Variants in PARP16 observed in about 807,000 individuals in gnomAD.
The protein encoded by PARP16 is poly(ADP-ribose) polymerase family member 16.
In PARP16, 31 loss-of-function variants were observed where a neutral mutation model predicts 35.0. The ratio of observed to expected loss-of-function variants is 0.88; its 90% CI spans 0.66 to 1.19. The LOEUF (loss-of-function observed/expected upper bound fraction) is 1.19, where lower values mean the gene tolerates loss of function less well. Ranked by LOEUF, PARP16 falls within the 50% of genes most tolerant of loss-of-function variation. The pLI is 0.00. For synonymous variants in PARP16, 162 were observed against 169.5 expected (o/e 0.96, Z 0.34); for missense variants, 424 against 411.2 (o/e 1.03, Z -0.27).
At chr15:65,246,068 A>G (rs1222310911) in intron 3 of PARP16, among the ~76,000 whole-genome samples, 1 of 152,008 alleles carries the variant, frequency 6.6e-6, no homozygotes, top group East Asian at 1.9e-4. Context: ...GGGGATGGCC[A>G]TTGGGGTGGC....
downstream of PARP16, among the ~76,000 whole-genome samples, chr15:65,254,376 AGG>A (rs1567015572): frequency 6.6e-6 from 1 of 152,160 alleles, no homozygotes; most frequent in African/African-American, 2.4e-5. Flanking sequence ...TGCAAAGGAG[AGG>A]GGCTTATTCT....
downstream of PARP16, among the ~76,000 whole-genome samples, chr15:65,254,959 T>C (rs1442597944): frequency 1.3e-5 from 2 of 152,202 alleles, no homozygotes; most frequent in Non-Finnish European, 2.9e-5. Context: ...GCTCATGGGA[T>C]GCTGTGCATT....
At chr15:65,267,374 G>A (rs1227771480) in intron 2 of PARP16, among the ~76,000 whole-genome samples, 2 of 152,018 alleles carry the variant, frequency 1.3e-5, no homozygotes, top group African/African-American at 4.8e-5. Flanking sequence ...TTGGGCGGCC[G>A]AGGCAGGCGG....
At chr15:65,247,985 T>C (rs1375874423) in intron 3 of PARP16, 1 of 334,726 alleles carries the variant, frequency 3.0e-6, no homozygotes, top group Non-Finnish European at 5.9e-6. Context: ...TCTGTATTTT[T>C]AGTAGAGGTG....
chr15:65,260,880 C>G lies in PARP16; in HGVS notation c.833+5G>C, dbSNP rs200404753. The G allele has an allele frequency of 1.2e-6, 2 of 1,613,276 alleles. No homozygotes were observed. The highest frequency in any genetic ancestry group is 1.3e-5 in the African/African-American group (1 of 74,882). On this transcript the variant is annotated splice_donor_5th_base_variant and intron_variant, in intron 5 of 5. Coordinates refer to ENST00000649807, the MANE Select transcript of PARP16 (RefSeq NM_001316943.2). ...ACAGCCATTAGTTGTTCTCTTGGAC[C>G]TTACCTCTTGGGTGGCTTCTGTGAA...
chr15:65,245,763 T>A (rs1295330369), intron 3 of PARP16, among the ~76,000 whole-genome samples: 1 of 152,172 alleles, frequency 6.6e-6, no homozygotes, highest in Non-Finnish European at 1.5e-5. Context: ...GCCTGTTTAC[T>A]TACAGGGACC....
chr15:65,280,391 C>T (rs982967311), intron 1 of PARP16, among the ~76,000 whole-genome samples: 6 of 146,948 alleles, frequency 4.1e-5, no homozygotes, highest in Admixed American at 3.5e-4. Context: ...GAGCCAAGAT[C>T]ACGCCACTGC....
At chr15:65,282,122 G>A (rs574911272) in intron 1 of PARP16, among the ~76,000 whole-genome samples, 11 of 152,012 alleles carry the variant, frequency 7.2e-5, no homozygotes, top group Non-Finnish European at 1.2e-4. Context: ...GTGAACCTCC[G>A]ACCTCAGCCT....
Position 65,286,690 on chromosome 15 carries a change from A to T in PARP16, c.-264T>A. The T allele has an allele frequency of 2.5e-6, 1 of 395,646 alleles. No individual in the cohort carries two copies. The highest frequency in any genetic ancestry group is 4.5e-6 in the Non-Finnish European group (1 of 221,400). 24.5% of individuals were successfully genotyped at this position (395,646 alleles called of 1,614,324 possible). On this transcript the variant is annotated 5_prime_UTR_variant, in exon 1 of 6. Transcript: ENST00000649807. ...GTCGGCGGGGAGGTTGGGCCCAGGGATAAAGGAACTGGGGCTGGTGGGGGG... is the reference window on the plus strand; with the variant it reads ...GTCGGCGGGGAGGTTGGGCCCAGGGTTAAAGGAACTGGGGCTGGTGGGGGG...
chr15:65,233,935 C>T (rs1595971468), downstream of PARP16, among the ~76,000 whole-genome samples: 1 of 151,774 alleles, frequency 6.6e-6, no homozygotes, highest in South Asian at 2.1e-4. Flanking sequence ...TTCTTTTATC[C>T]ATAATTGTTT....
rs964584289 is a variant in PARP16 at position 65,286,579 on chromosome 15, G to A, written c.-153C>T. On this transcript the variant is annotated 5_prime_UTR_variant, in exon 1 of 6. Transcript: ENST00000649807. ...GCTAGGCAGGGGGCTGAGATGACAG[G>A]GGTGAGAACGTGCCGACAAGTGTCC... is the stretch of plus-strand genomic sequence containing the variant. The A allele has an allele frequency of 3.8e-6, 2 of 528,436 alleles. No homozygotes were observed. Among genetic ancestry groups the A allele is most frequent in the Non-Finnish European group, 3.2e-6 (1 of 309,800 alleles). The allele number at this position is 528,436 out of a possible 1,614,324, so 32.7% of individuals were successfully genotyped here. A position where few individuals can be genotyped will look rare whatever the true frequency, so the allele number is the denominator to read the frequency against.
At chr15:65,252,931 C>G (rs950671008) in intron 2 of PARP16, among the ~76,000 whole-genome samples, 1 of 152,108 alleles carries the variant, frequency 6.6e-6, no homozygotes, top group African/African-American at 2.4e-5. Flanking sequence ...GAGTTTGAGA[C>G]CAGCCTGGCC....
chr15:65,256,640 G>A (rs566858531), downstream of PARP16, among the ~76,000 whole-genome samples: 6 of 151,934 alleles, frequency 3.9e-5, no homozygotes, highest in Non-Finnish European at 5.9e-5. Context: ...ATCTCCTGAC[G>A]TCGTGATCCT....
chr15:65,236,131 T>A (rs1160277442), intron 3 of PARP16, among the ~76,000 whole-genome samples: 1 of 152,078 alleles, frequency 6.6e-6, no homozygotes, highest in African/African-American at 2.4e-5. Context: ...AGTGCTGGGA[T>A]TACAGGCGTG....
intron 2 of PARP16, among the ~76,000 whole-genome samples, chr15:65,249,253 C>T (rs1054076267): frequency 6.6e-6 from 1 of 152,196 alleles, no homozygotes; most frequent in Non-Finnish European, 1.5e-5. Context: ...TAAAATGAGC[C>T]ATTTGAGTGT....
At chr15:65,286,037 GCCA>G (rs1363671284) in intron 1 of PARP16, among the ~76,000 whole-genome samples, 1 of 152,230 alleles carries the variant, frequency 6.6e-6, no homozygotes, top group Non-Finnish European at 1.5e-5. Context: ...GAGAGAAGCA[GCCA>G]CCAAGTGCCT....
chr15:65,246,114 T>C (rs1186336349), intron 3 of PARP16, among the ~76,000 whole-genome samples: 3 of 152,134 alleles, frequency 2.0e-5, no homozygotes, highest in Non-Finnish European at 4.4e-5. Context: ...TCCCTGCTTC[T>C]CTCAGGGCCT....
intron 1 of PARP16, among the ~76,000 whole-genome samples, chr15:65,284,348 T>A (rs1384355550): frequency 7.2e-6 from 1 of 139,646 alleles, no homozygotes; most frequent in Non-Finnish European, 1.5e-5. Context: ...TTTTTTTTTT[T>A]TTTTTTTTTT....
At chr15:65,239,452 A>AAAAAAAAAAAAAAAAAAAAAAG (rs34910178) in intron 3 of PARP16, among the ~76,000 whole-genome samples, 3 of 113,038 alleles carry the variant, frequency 2.7e-5, no homozygotes, top group Admixed American at 9.3e-5. Flanking sequence ...AAAAAAAAAA[A>AAAAAAAAAAAAAAAAAAAAAAG]AGAGAGAAAA....
Sources: allele counts gnomAD v4.1 joint callset (sites outside exome capture counted in the v4.1 genomes callset), GRCh38; gene constraint gnomAD v4.1.1; transcripts MANE v1.5; gene names NCBI Gene and HGNC (gene_info 2026-07-23, HGNC 2026-07-21).